NCKAP5: variants seen among roughly 807,000 people sequenced by gnomAD.
The protein encoded by NCKAP5 is NCK associated protein 5.
Under a neutral mutation model 167.0 loss-of-function variants are expected in NCKAP5, and 92 were observed. The ratio of observed to expected loss-of-function variants is 0.55; its 90% confidence interval spans 0.47 to 0.66. NCKAP5 has a LOEUF of 0.66. Ranked by LOEUF, NCKAP5 falls within the 30% of genes least tolerant of loss-of-function variation. The probability of loss-of-function intolerance (pLI) is 0.00; values close to 1 mark genes in which losing one functional copy is unlikely to be tolerated. For synonymous variants in NCKAP5, 891 were observed against 877.4 expected (o/e 1.02, Z -0.27); for missense variants, 2,378 against 2,315.0 (o/e 1.03, Z -0.56).
intron 8 of NCKAP5, chr2:132,931,488 A>C (rs1057504013): frequency 6.6e-6 from 1 of 152,194 alleles, no homozygotes; most frequent in Non-Finnish European, 1.5e-5. Context: ...AACACCTTTA[A>C]ATTTAACCTG....
At chr2:133,028,906 T>C (rs1268492072) in intron 6 of NCKAP5, among the ~76,000 whole-genome samples, 1 of 152,076 alleles carries the variant, frequency 6.6e-6, no homozygotes, top group Non-Finnish European at 1.5e-5. Flanking sequence ...CCTTTAAAAG[T>C]GTGTGGCACC....
intron 10 of NCKAP5, among the ~76,000 whole-genome samples, chr2:132,866,723 C>T (rs1416700565): frequency 6.6e-6 from 1 of 152,158 alleles, no homozygotes; most frequent in Non-Finnish European, 1.5e-5. Context: ...TCTAAAACTG[C>T]ACAGTAATGC....
intron 4 of NCKAP5, among the ~76,000 whole-genome samples, chr2:133,258,034 G>A (rs1219021823): frequency 6.6e-6 from 1 of 152,156 alleles, no homozygotes; most frequent in African/African-American, 2.4e-5. Context: ...GAGTCACTAA[G>A]GGCACTATTA....
chr2:132,693,204 G>C (rs982547902), intron 19 of NCKAP5, among the ~76,000 whole-genome samples: 2 of 152,158 alleles, frequency 1.3e-5, no homozygotes, highest in African/African-American at 4.8e-5. Flanking sequence ...GGTTGAACTA[G>C]GTCCCCTAAA....
chr2:132,722,619 T>A (rs990307684), intron 19 of NCKAP5, among the ~76,000 whole-genome samples: 1 of 151,946 alleles, frequency 6.6e-6, no homozygotes, highest in African/African-American at 2.4e-5. Flanking sequence ...AGCCCCAGAC[T>A]CTCCTAGCCT....
chr2:132,864,311 T>C (rs969650815), intron 10 of NCKAP5, among the ~76,000 whole-genome samples: 1 of 151,382 alleles, frequency 6.6e-6, no homozygotes, highest in African/African-American at 2.4e-5. Flanking sequence ...ATATTTATCA[T>C]GGAGGAATAA....
At chr2:133,251,716 T>C (rs1384410510) in intron 4 of NCKAP5, among the ~76,000 whole-genome samples, 2 of 152,050 alleles carry the variant, frequency 1.3e-5, no homozygotes, top group East Asian at 3.8e-4. Flanking sequence ...TCTAACAAAA[T>C]TACACTTGCA....
chr2:133,644,689 A>G, the NCKAP5 span, among the ~76,000 whole-genome samples: 5 of 152,318 alleles, frequency 3.3e-5, no homozygotes, highest in Admixed American at 2.0e-4. Context: ...TTATGGATGC[A>G]CATCTAGTCC....
Position 132,673,069 on chromosome 2 carries a change from A to G in NCKAP5, c.*220T>C, listed in dbSNP as rs975396500. The G allele has an allele frequency of 1.7e-6, 2 of 1,160,584 alleles. No individual in the cohort carries two copies. The highest frequency in any genetic ancestry group is 7.0e-5 in the South Asian group (2 of 28,712). The allele number at this position is 1,160,584 out of a possible 1,614,324, so 71.9% of individuals were successfully genotyped here. A position where few individuals can be genotyped will look rare whatever the true frequency, so the allele number is the denominator to read the frequency against. On this transcript the variant is annotated 3_prime_UTR_variant, in exon 20 of 20. Transcript: ENST00000409261. ...GACTGGCACAGGAAGAGAAGCTATC[A>G]TATAAAGAATCACTCAAAGATTCCA... is the stretch of plus-strand genomic sequence containing the variant.
intron 19 of NCKAP5, among the ~76,000 whole-genome samples, chr2:132,717,411 AT>A (rs1381674256): frequency 1.3e-5 from 2 of 152,150 alleles, no homozygotes; most frequent in Non-Finnish European, 2.9e-5. Flanking sequence ...TATTACAGAG[AT>A]TTGTCATCTT....
chr2:133,280,756 G>A lies in NCKAP5; in HGVS notation c.143+22281C>T, dbSNP rs74454919. Among the ~76,000 whole-genome samples, 1,186 of 152,200 alleles carry A rather than the reference G, an allele frequency of 7.8e-3. 11 individuals are homozygous for A. Among genetic ancestry groups the A allele is most frequent in the African/African-American group, 0.023 (965 of 41,520 alleles). ...ACCTTGCCAGTTCTATGTAAATAGC[G>A]CTTTATTGGAATAGTTATACCTGTT... On this transcript the variant is annotated intron_variant, in intron 4 of 19. Transcript: ENST00000409261.
At chr2:132,860,920 G>A (rs1446985270) in intron 10 of NCKAP5, among the ~76,000 whole-genome samples, 1 of 152,114 alleles carries the variant, frequency 6.6e-6, no homozygotes, top group East Asian at 1.9e-4. Flanking sequence ...TATATATTTT[G>A]CCTTTTCACT....
chr2:132,788,584 C>T (rs1360773464), intron 13 of NCKAP5, among the ~76,000 whole-genome samples: 1 of 152,116 alleles, frequency 6.6e-6, no homozygotes, highest in African/African-American at 2.4e-5. Context: ...TAATAGGCGA[C>T]TGGGAGCATT....
intron 9 of NCKAP5, among the ~76,000 whole-genome samples, chr2:132,878,626 A>C (rs1261318916): frequency 1.0e-5 from 1 of 96,098 alleles, no homozygotes; most frequent in Non-Finnish European, 2.1e-5. Context: ...ACACACACAC[A>C]CACACACACA....
At chr2:133,136,185 T>C (rs1257230385) in intron 5 of NCKAP5, among the ~76,000 whole-genome samples, 2 of 152,198 alleles carry the variant, frequency 1.3e-5, no homozygotes, top group African/African-American at 4.8e-5. Context: ...GATGGCTTGA[T>C]GTATGGTATG....
the NCKAP5 span, among the ~76,000 whole-genome samples, chr2:133,669,723 C>T: frequency 4.0e-4 from 61 of 152,210 alleles, no homozygotes; most frequent in African/African-American, 1.2e-3. Context: ...TGTCCAATTA[C>T]GAGAGAAATA....
At chr2:133,130,220 T>C (rs2082553052) in intron 5 of NCKAP5, 109 bp from the exon 6 acceptor site, 1 of 1,236,230 alleles carries the variant, frequency 8.1e-7, no homozygotes, top group Non-Finnish European at 1.1e-6. Flanking sequence ...AATTTCATCC[T>C]TTGAACAACC....
At chr2:133,627,945 G>A in the NCKAP5 span, among the ~76,000 whole-genome samples, 1 of 152,124 alleles carries the variant, frequency 6.6e-6, no homozygotes, top group Admixed American at 6.5e-5. Flanking sequence ...TGGCCAACCA[G>A]ACTTGAGAAA....
At chr2:132,914,988 G>GA in intron 8 of NCKAP5, among the ~76,000 whole-genome samples, 1 of 120,568 alleles carries the variant, frequency 8.3e-6, no homozygotes, top group Admixed American at 8.7e-5. Flanking sequence ...TAAAGCTATG[G>GA]CCAAAAAAAA....
Sources: gnomAD v4.1 joint callset for allele counts (sites outside exome capture counted in the v4.1 genomes callset) on GRCh38, gnomAD v4.1.1 for gene constraint, MANE v1.5 for transcripts, NCBI Gene and HGNC (gene_info 2026-07-23, HGNC 2026-07-21) for gene names.